Variants in TROAP observed in about 807,000 individuals in gnomAD.
The protein encoded by TROAP is trophinin associated protein.
Under a neutral mutation model 83.4 loss-of-function variants are expected in TROAP, and 62 were observed. The ratio of observed to expected loss-of-function variants is 0.74; its 90% CI spans 0.61 to 0.92. TROAP has a LOEUF of 0.92. TROAP is among the 40% of genes least tolerant of loss of function. TROAP has a pLI of 0.00. For missense variants in TROAP, 876 were observed against 985.1 expected (o/e 0.89, Z 1.48); for synonymous variants, 352 against 386.4 (o/e 0.91, Z 1.04).
intron 3 of TROAP, among the ~76,000 whole-genome samples, chr12:49,324,753 CAG>C (rs1356002675): frequency 2.0e-5 from 3 of 146,740 alleles, no homozygotes; most frequent in African/African-American, 7.7e-5. Flanking sequence ...TTTGTGGAGA[CAG>C]AGTCTTACTC....
At chr12:49,324,843 G>T (rs1157489029) in intron 3 of TROAP, among the ~76,000 whole-genome samples, 2 of 149,440 alleles carry the variant, frequency 1.3e-5, no homozygotes, top group East Asian at 3.9e-4. Flanking sequence ...CGATTCTCAT[G>T]CCTCACCCCG....
intron 6 of TROAP, among the ~76,000 whole-genome samples, chr12:49,326,381 G>A (rs1943501214): frequency 6.6e-6 from 1 of 152,128 alleles, no homozygotes; most frequent in Non-Finnish European, 1.5e-5. Context: ...AAGTCATGGG[G>A]GGACAGGGAG....
At chr12:49,327,149 A>G (rs34098910) in intron 7 of TROAP, 60 bp from the exon 8 acceptor site, 2 of 1,605,254 alleles carry the variant, frequency 1.2e-6, no homozygotes, top group Non-Finnish European at 1.7e-6. Context: ...GTTGCAGAAC[A>G]CTGTGCCAAA....
chr12:49,330,124 G>C (rs767553649), intron 12 of TROAP, 21 bp from the exon 13 acceptor site: 1 of 1,611,084 alleles, frequency 6.2e-7, no homozygotes, highest in Non-Finnish European at 8.5e-7. Context: ...TGTCACACTG[G>C]GGTGCTCTCT....
Position 49,323,974 on chromosome 12 carries a change from T to A in TROAP, c.274T>A (p.Leu92Met). Residue 92 changes from leucine (L) to methionine (M), a missense_variant, in exon 3 of 15, where the codon TTG becomes ATG. Physicochemically the swap from Leu to Met is conservative, Grantham distance 15. Transcript: ENST00000257909. ...LVGISQPRNP[L>M]EELRPSPRGQ... ...GGGGATCAGTCAGCCTCGGAACCCC[T>A]TGGAAGAGCTCAGGCCTAGCCCTAG... The A allele has an allele frequency of 6.2e-7, 1 of 1,614,166 alleles. No homozygotes were observed. Among genetic ancestry groups the A allele is most frequent in the Non-Finnish European group, 8.5e-7 (1 of 1,180,028 alleles).
intron 3 of TROAP, among the ~76,000 whole-genome samples, chr12:49,324,946 C>G (rs1239651962): frequency 7.2e-6 from 1 of 138,754 alleles, no homozygotes; most frequent in African/African-American, 2.7e-5. Context: ...GAGTCTCACT[C>G]TGTCACTAAG....
At chr12:49,327,767 A>G (rs959230470) in intron 8 of TROAP, among the ~76,000 whole-genome samples, 9 of 152,156 alleles carry the variant, frequency 5.9e-5, no homozygotes, top group Admixed American at 1.3e-4. Context: ...AGTGTCTCAG[A>G]TGATGGTAAG....
chr12:49,331,350 C>A lies in TROAP; in HGVS notation c.2235C>A (p.Gly745=). Residue 745 remains glycine (G), a synonymous_variant, in exon 14 of 15, where the codon GGC becomes GGA. Coordinates refer to ENST00000257909, the MANE Select transcript of TROAP (RefSeq NM_005480.4). ...ACACCAGCCGAGCCCCTCCCTCAGG[C>A]CCCACCCGGGTCTGCACCAACCCTG... ...AFYTSRAPPS[G]PTRVCTNPVA... 6.2e-7 allele frequency: 1 copy of A among 1,614,198 alleles called. No individual in the cohort carries two copies. Among genetic ancestry groups the A allele is most frequent in the East Asian group, 2.2e-5 (1 of 44,888 alleles).
At chr12:49,326,581 T>G in intron 6 of TROAP, 87 bp from the exon 7 acceptor site, 617 of 1,324,982 alleles carry the variant, frequency 4.7e-4, no homozygotes, top group Non-Finnish European at 5.8e-4. Flanking sequence ...GAGAATGAAA[T>G]GAGATGATGT....
chr12:49,324,302 T>C, intron 3 of TROAP: 1 of 1,107,340 alleles, frequency 9.0e-7, no homozygotes. Flanking sequence ...AGGCCAGGAG[T>C]TGGAGACCAG....
intron 3 of TROAP, 109 bp downstream of exon 3, chr12:49,324,146 C>A (rs1232850802): frequency 6.2e-7 from 1 of 1,614,134 alleles, no homozygotes. Context: ...CTCCTACTTA[C>A]TGTGATAGTC....
Position 49,323,778 on chromosome 12 carries a change from CAGT to C in TROAP, c.144+30_144+32del, listed in dbSNP as rs778625426. ...GTAAGAGGGGCCTAATGGGGGAAGACAGTAGTCACACCAGTAATGCACCCCAAC... is the reference window on the plus strand; with the variant it reads ...GTAAGAGGGGCCTAATGGGGGAAGACAGTCACACCAGTAATGCACCCCAAC... On this transcript the variant is annotated intron_variant, in intron 2 of 14. Coordinates refer to ENST00000257909, the MANE Select transcript of TROAP (RefSeq NM_005480.4). 2.5e-6 allele frequency: 4 copies of C among 1,613,950 alleles called. No homozygotes were observed. The Admixed American group carries it at 6.7e-5, about 27-fold the overall frequency.
Position 49,326,700 on chromosome 12 carries a change from T to C in TROAP, c.749T>C (p.Leu250Pro), listed in dbSNP as rs138728459. Residue 250 changes from leucine (L) to proline (P), a missense_variant, in exon 7 of 15, where the codon CTG becomes CCG. By Grantham distance (98) the Leu-to-Pro change is moderately conservative. Coordinates refer to ENST00000257909, the MANE Select transcript of TROAP (RefSeq NM_005480.4). ...GTGAGCCAGGCCTCAGGATTGCTCC[T>C]GGAGACCCCAGTCCAGCCTGGTAAG... ...TSVSQASGLL[L>P]ETPVQPAFSL... The C allele has an allele frequency of 1.9e-4, 294 of 1,561,984 alleles. No individual in the cohort carries two copies. The highest frequency in any genetic ancestry group is 4.5e-4 in the South Asian group (38 of 84,846).
At chr12:49,324,193 A>G (rs1376055878) in intron 3 of TROAP, 156 bp downstream of exon 3, 1 of 1,614,024 alleles carries the variant, frequency 6.2e-7, no homozygotes, top group African/African-American at 1.3e-5. Context: ...TGCTCTTAGA[A>G]GATCTCCCTT....
intron 2 of TROAP, 28 bp downstream of exon 2, chr12:49,323,780 G>T: frequency 6.2e-7 from 1 of 1,614,078 alleles, no homozygotes; most frequent in Non-Finnish European, 8.5e-7. Flanking sequence ...GGGGAAGACA[G>T]TAGTCACACC....
rs1225942069 is a variant in TROAP at position 49,329,913 on chromosome 12, T to C, written c.1221T>C (p.Gly407=). Residue 407 remains glycine, a synonymous_variant, in exon 12 of 15, where the codon GGT becomes GGC. Transcript: ENST00000257909. This position sits in a 1 kb window ranked among gnomAD's most constrained non-coding sequence, Gnocchi z 4.5. ...AGAGTTGTATAAGGTCACTGGAGGG[T>C]TCTGGGAAACCACCGGTGGCCACTC... ...DQESCIRSLE[G]SGKPPVATPS... The C allele has an allele frequency of 1.9e-6, 3 of 1,613,878 alleles. No homozygotes were observed. The highest frequency in any genetic ancestry group is 2.5e-6 in the Non-Finnish European group (3 of 1,179,952).
Position 49,323,881 on chromosome 12 carries a change from C to T in TROAP, c.181C>T (p.Pro61Ser). The T allele has an allele frequency of 3.1e-6, 5 of 1,614,064 alleles. No homozygotes were observed. The highest frequency in any genetic ancestry group is 2.5e-6 in the Non-Finnish European group (3 of 1,180,042). Reference sequence around the variant, plus strand: ...GAAACCACCGCTCAATATTCAACGCCCCCTCGTTGATTCAGCAGGCCCCAG... The same window carrying T: ...GAAACCACCGCTCAATATTCAACGCTCCCTCGTTGATTCAGCAGGCCCCAG... ...VQKPPLNIQR[P>S]LVDSAGPRPK... Residue 61 changes from proline (P) to serine (S), a missense_variant, in exon 3 of 15, where the codon CCC (proline) becomes TCC (serine). Pro to Ser is a moderately conservative substitution (Grantham distance 74, BLOSUM62 -1). This residue lies in a region of TROAP where 689 missense variants were observed against 722.6 expected (regional missense o/e 0.95). Transcript: ENST00000257909.
chr12:49,325,471 C>A (rs1302087620), intron 3 of TROAP, 30 bp from the exon 4 acceptor site: 2 of 1,604,922 alleles, frequency 1.2e-6, no homozygotes, highest in South Asian at 2.2e-5. Context: ...AGCCTTCCCC[C>A]TTCCTTTTCC....
rs746700487 is a variant in TROAP at position 49,331,280 on chromosome 12, T to A, written c.2165T>A (p.Ile722Asn). Residue 722 changes from isoleucine (I) to asparagine (N), a missense_variant, in exon 14 of 15, where the codon ATC (isoleucine) becomes AAC (asparagine). By Grantham distance (149) the Ile-to-Asn change is moderately radical. Around this residue, in one of 3 missense-constraint regions of TROAP, gnomAD observed 184 missense variants for 238.3 expected, o/e 0.77. Coordinates refer to ENST00000257909, the MANE Select transcript of TROAP (RefSeq NM_005480.4). ...RERLKSCLTAIHCFHEARLDD... is the reference protein window; with the variant it reads ...RERLKSCLTANHCFHEARLDD... ...CGCCTCAAATCGTGTTTAACCGCCA[T>A]CCACTGCTTCCACGAGGCTCGTCTG... 5.6e-6 allele frequency: 9 copies of A among 1,614,206 alleles called. No homozygotes were observed. Among genetic ancestry groups the A allele is most frequent in the Non-Finnish European group, 7.6e-6 (9 of 1,180,036 alleles).
Sources: allele counts gnomAD v4.1 joint callset (sites outside exome capture counted in the v4.1 genomes callset), GRCh38; gene constraint gnomAD v4.1.1; regional missense constraint gnomAD v4.1.1; non-coding constraint Gnocchi (gnomAD v3.1); transcripts MANE v1.5; gene names NCBI Gene and HGNC (gene_info 2026-07-23, HGNC 2026-07-21).